TTN: variants seen among roughly 807,000 people sequenced by gnomAD.
TTN encodes connectin.
TTN carries 1,525 observed loss-of-function variants against 3,223.0 expected under a neutral mutation model. The observed-to-expected ratio is 0.47, with a 90% CI of 0.45 to 0.49. The LOEUF (loss-of-function observed/expected upper bound fraction) is 0.49. Ranked by LOEUF, TTN falls within the 20% of genes least tolerant of loss-of-function variation. TTN has a pLI of 0.00. For missense variants in TTN, 40,786 were observed against 43,424.0 expected, an observed-to-expected ratio of 0.94 and a Z score of 5.40; for synonymous variants, 14,094 against 15,161.0, an observed-to-expected ratio of 0.93 and a Z score of 5.17.
chr2:178,546,596 C>A lies in TTN; in HGVS notation c.94828+4G>T, dbSNP rs1264947277. 6.2e-7 allele frequency: 1 copy of A among 1,604,828 alleles called. No homozygotes were observed. Among genetic ancestry groups the A allele is most frequent in the Non-Finnish European group, 8.5e-7 (1 of 1,173,190 alleles). ...TAAAAAGGAGAATGTTGACTATTTCCTACCGTATTCATCTCGGCAAGTGAC... is the reference window on the plus strand; with the variant it reads ...TAAAAAGGAGAATGTTGACTATTTCATACCGTATTCATCTCGGCAAGTGAC... On this transcript the variant is annotated splice_donor_region_variant and intron_variant, in intron 341 of 362. Transcript: ENST00000589042.
Position 178,562,272 on chromosome 2 carries a change from C to T in TTN, c.83860G>A (p.Val27954Ile). ...RSDPRQLGVP[V>I]IARDIEIKPS... ...TTTATTTCAATATCCCTTGCAATTA[C>T]TGGCACTCCAAGTTGTCTTGGATCA... The change falls in exon 326 of 363, where the codon GTA becomes ATA. Residue 27954 changes from valine to isoleucine, a missense_variant. Coordinates refer to ENST00000589042, the MANE Select transcript of TTN (RefSeq NM_001267550.2). The T allele has an allele frequency of 6.2e-7, 1 of 1,613,472 alleles. No individual in the cohort carries two copies. Among genetic ancestry groups the T allele is most frequent in the Non-Finnish European group, 8.5e-7 (1 of 1,179,666 alleles).
chr2:178,652,728 C>T lies in TTN; in HGVS notation c.38968G>A (p.Ala12990Thr), dbSNP rs375066056. ...PEVPPVKVPE[A>T]PKEVVPEKKV... ...TTTTCAGGAACAACCTCTTTGGGAG[C>T]CTCTGGTACTTAAAAGATATTAGTG... The change falls in exon 201 of 363, where the codon GCT becomes ACT. Residue 12990 changes from alanine to threonine, a missense_variant. Coordinates refer to ENST00000589042, the MANE Select transcript of TTN (RefSeq NM_001267550.2). 6.2e-7 allele frequency: 1 copy of T among 1,612,736 alleles called. No individual in the cohort carries two copies. Among genetic ancestry groups the T allele is most frequent in the Non-Finnish European group, 8.5e-7 (1 of 1,179,390 alleles).
Position 178,610,281 on chromosome 2 carries a change from T to A in TTN, c.51245A>T (p.Tyr17082Phe). ...CCCAGCTTCTCTGCGCTCCAGGACATAATGAAGAATTGGGGTTCCACCATC... is the reference window on the plus strand; with the variant it reads ...CCCAGCTTCTCTGCGCTCCAGGACAAAATGAAGAATTGGGGTTCCACCATC... The part of the protein sequence containing the change: ...EFDGGTPILH[Y>F]VLERREAGRR... The change falls in exon 271 of 363, where the codon TAT becomes TTT. Residue 17082 changes from tyrosine to phenylalanine, a missense_variant. Physicochemically the swap from Tyr to Phe is conservative, Grantham distance 22 (BLOSUM62 3). Coordinates refer to ENST00000589042, the MANE Select transcript of TTN (RefSeq NM_001267550.2). The A allele has an allele frequency of 6.2e-7, 1 of 1,612,924 alleles. No individual in the cohort carries two copies. The highest frequency in any genetic ancestry group is 1.3e-5 in the African/African-American group (1 of 74,966).
Position 178,531,666 on chromosome 2 carries a change from T to C in TTN, c.104949A>G (p.Gln34983=), listed in dbSNP as rs2154133702. Residue 34983 remains glutamine, a synonymous_variant, in exon 358 of 363, where the codon CAA becomes CAG. Transcript: ENST00000589042. Reference sequence around the variant, plus strand: ...TGGTGTAATGAATCTTACTGCTTTCTTGGAGTTCCACACCATTGTGGTACC... The same window carrying C: ...TGGTGTAATGAATCTTACTGCTTTCCTGGAGTTCCACACCATTGTGGTACC... ...VKWYHNGVEL[Q]ESSKIHYTNT... 2 of 1,614,012 alleles carry C rather than the reference T, an allele frequency of 1.2e-6. No homozygotes were observed. Among genetic ancestry groups the C allele is most frequent in the Non-Finnish European group, 8.5e-7 (1 of 1,179,878 alleles).
Position 178,689,579 on chromosome 2 carries a change from C to G in TTN, c.31863G>C (p.Lys10621Asn). 2 of 1,604,326 alleles carry G rather than the reference C, an allele frequency of 1.2e-6. No homozygotes were observed. The highest frequency in any genetic ancestry group is 1.7e-6 in the Non-Finnish European group (2 of 1,175,918). ...TTATTTTTTCTTCTGTCACAACTCC[C>G]TTCTGTACTTCAGGAACTTGAAGAG... is the stretch of plus-strand genomic sequence containing the variant. ...APPAKVPEVQKGVVTEEKITI... is the reference protein window; with the variant it reads ...APPAKVPEVQNGVVTEEKITI... Residue 10621 changes from lysine to asparagine, a missense_variant, in exon 123 of 363, where the codon AAG becomes AAC. Transcript: ENST00000589042.
In TTN at chr2:178,650,228, AGCAATTTCCTCTTCAGG is replaced by A. The variant is rs2062713287; in HGVS notation, c.39736_39752del (p.Pro13246SerfsTer2). On this transcript the variant is annotated frameshift_variant, in exon 210 of 363. Coordinates refer to ENST00000589042, the MANE Select transcript of TTN (RefSeq NM_001267550.2). LOFTEE classifies it high-confidence loss of function. ...CAGGAACTGGCTTTTCCTCTTCAGG[AGCAATTTCCTCTTCAGG>A]AGCAATTTCCTCAGGTTCTTCATAT... 1.9e-6 allele frequency: 3 copies of A among 1,556,076 alleles called. No homozygotes were observed. The African/African-American group carries it at 4.6e-5, about 24-fold the overall frequency.
At position 178,725,492 on chromosome 2, in the gene TTN, T is replaced by G. The variant is rs377356011; in HGVS notation, c.20712A>C (p.Thr6904=). The G allele has an allele frequency of 3.1e-6, 5 of 1,613,300 alleles. No homozygotes were observed. The highest frequency in any genetic ancestry group is 4.2e-6 in the Non-Finnish European group (5 of 1,179,566). ...VIRESENIRI[T]FVENVATLQF... is the part of the protein sequence containing the mutation. ...GTAGAGTTGCAACATTTTCCACAAA[T>G]GTAATCCTGATGTTTTCACTTTCTC... Residue 6904 remains threonine, a synonymous_variant, in exon 71 of 363, where the codon ACA becomes ACC. Coordinates refer to ENST00000589042, the MANE Select transcript of TTN (RefSeq NM_001267550.2).
intron 34 of TTN, 76 bp downstream of exon 34, chr2:178,771,134 CA>C: frequency 1.3e-6 from 2 of 1,599,898 alleles, no homozygotes; most frequent in Non-Finnish European, 1.7e-6. Flanking sequence ...CCAAAATGGC[CA>C]TATCGTTTGT....
Position 178,543,122 on chromosome 2 carries a change from C to A in TTN, c.96851G>T (p.Gly32284Val), listed in dbSNP as rs988372305. 4 of 1,610,476 alleles carry A rather than the reference C, an allele frequency of 2.5e-6. No homozygotes were observed. The highest frequency in any genetic ancestry group is 2.5e-6 in the Non-Finnish European group (3 of 1,177,582). Residue 32284 changes from glycine to valine, a missense_variant, in exon 347 of 363, where the codon GGT (glycine) becomes GTT (valine). Transcript: ENST00000589042. ...LFRIRAQNEK[G>V]VSEPRETVTA... ...GACAGTCTCTCTTGGTTCTGACACACCTTTCTCATTTTGTGCCCTTATTCT... is the reference window on the plus strand; with the variant it reads ...GACAGTCTCTCTTGGTTCTGACACAACTTTCTCATTTTGTGCCCTTATTCT...
At chr2:178,546,532 A>G (rs759705536) in intron 341 of TTN, 30 bp from the exon 342 acceptor site, 1 of 1,599,970 alleles carries the variant, frequency 6.3e-7, no homozygotes, top group Admixed American at 1.7e-5. Context: ...ATATGAATGA[A>G]TATCTGAGAG....
chr2:178,685,538 A>G lies in TTN; in HGVS notation c.32372T>C (p.Val10791Ala), dbSNP rs2070631831. ...CATACCTTCAGCTGGCTCAGCTTCC[A>G]CTCTCTTAGAAATAATGTGCAGCTT... is the stretch of plus-strand genomic sequence containing the variant. ...EEKLHIISKRVEAEPAEVTER... is the reference protein window; with the variant it reads ...EEKLHIISKRAEAEPAEVTER... Residue 10791 changes from valine to alanine, a missense_variant, in exon 128 of 363, where the codon GTG (valine) becomes GCG (alanine). By Grantham distance (64) the Val-to-Ala change is moderately conservative. Transcript: ENST00000589042. 6.2e-7 allele frequency: 1 copy of G among 1,613,110 alleles called. No homozygotes were observed. The highest frequency in any genetic ancestry group is 1.3e-5 in the African/African-American group (1 of 74,862).
At chr2:178,639,306 T>C (rs1427535767) in intron 223 of TTN, among the ~76,000 whole-genome samples, 1 of 152,032 alleles carries the variant, frequency 6.6e-6, no homozygotes, top group Non-Finnish European at 1.5e-5. Flanking sequence ...ATATACACAC[T>C]TTTTTAAAAA....
In TTN at chr2:178,530,435, T is replaced by C. The variant is rs745753316; in HGVS notation, c.106180A>G (p.Lys35394Glu). The change falls in exon 358 of 363, where the codon AAA becomes GAA. Residue 35394 changes from lysine to glutamate, a missense_variant. Coordinates refer to ENST00000589042, the MANE Select transcript of TTN (RefSeq NM_001267550.2). Reference sequence around the variant, plus strand: ...GACTCAGTGGTTTTCTGATCTGATTTCTTAGTTTCTGATATTTTTGATACC... The same window carrying C: ...GACTCAGTGGTTTTCTGATCTGATTCCTTAGTTTCTGATATTTTTGATACC... ...EKVSKISETKKSDQKTTESTV... is the reference protein window; with the variant it reads ...EKVSKISETKESDQKTTESTV... 5.0e-6 allele frequency: 8 copies of C among 1,613,906 alleles called. No homozygotes were observed. The highest frequency in any genetic ancestry group is 6.8e-6 in the Non-Finnish European group (8 of 1,179,890).
In TTN at chr2:178,560,295, T is replaced by C. The variant is rs1341127613; in HGVS notation, c.85837A>G (p.Thr28613Ala). ...TATTCACATCCTTCCCGAAGTCCTG[T>C]TGATTTCACTCTTAGATCATAAACT... ...KPVYDLRVKS[T>A]GLREGCEYEY... The change falls in exon 326 of 363, where the codon ACA (threonine) becomes GCA (alanine). Residue 28613 changes from threonine to alanine, a missense_variant. Physicochemically the swap from Thr to Ala is moderately conservative, Grantham distance 58. Coordinates refer to ENST00000589042, the MANE Select transcript of TTN (RefSeq NM_001267550.2). 3.1e-6 allele frequency: 5 copies of C among 1,613,826 alleles called. No homozygotes were observed. Among genetic ancestry groups the C allele is most frequent in the Non-Finnish European group, 2.5e-6 (3 of 1,179,790 alleles).
intron 294 of TTN, 71 bp from the exon 295 acceptor site, chr2:178,595,880 T>G: frequency 7.0e-7 from 1 of 1,432,472 alleles, no homozygotes. Flanking sequence ...CTTGTTTTTT[T>G]AAAAGGAGAC....
In TTN at chr2:178,617,938, A is replaced by C; in HGVS notation, c.47413T>G (p.Trp15805Gly). 6.2e-7 allele frequency: 1 copy of C among 1,612,702 alleles called. No individual in the cohort carries two copies. The highest frequency in any genetic ancestry group is 1.7e-5 in the Admixed American group (1 of 59,928). The change falls in exon 253 of 363, where the codon TGG (tryptophan) becomes GGG (glycine). Residue 15805 changes from tryptophan to glycine, a missense_variant. Coordinates refer to ENST00000589042, the MANE Select transcript of TTN (RefSeq NM_001267550.2). ...GCTCTCACAGTCATGGCAGTATCCC[A>C]CCTGATAGAAGTCTTGTCTCTTAAT... is the stretch of plus-strand genomic sequence containing the variant. ...IELRDKTSIR[W>G]DTAMTVRAED... is the part of the protein sequence containing the mutation.
In TTN at chr2:178,565,449, C is replaced by T; in HGVS notation, c.80683G>A (p.Glu26895Lys). Residue 26895 changes from glutamate (E) to lysine (K), a missense_variant, in exon 326 of 363, where the codon GAA becomes AAA. Coordinates refer to ENST00000589042, the MANE Select transcript of TTN (RefSeq NM_001267550.2). Reference sequence around the variant, plus strand: ...ACTGGAATTTCTATTTTAAGATCTTCTCCAGCTTGGATACTATATGTGTTA... The same window carrying T: ...ACTGGAATTTCTATTTTAAGATCTTTTCCAGCTTGGATACTATATGTGTTA... ...PFNTYSIQAGEDLKIEIPVIG... is the reference protein window; with the variant it reads ...PFNTYSIQAGKDLKIEIPVIG... 5 of 1,613,336 alleles carry T rather than the reference C, an allele frequency of 3.1e-6. No homozygotes were observed. The highest frequency in any genetic ancestry group is 4.2e-6 in the Non-Finnish European group (5 of 1,179,600).
intron 163 of TTN, among the ~76,000 whole-genome samples, chr2:178,666,543 G>A (rs2065957190): frequency 3.9e-5 from 6 of 152,036 alleles, no homozygotes; most frequent in Admixed American, 3.9e-4. Context: ...GACATGTTTT[G>A]ATCATAATAT....
chr2:178,733,829 A>T lies in TTN; in HGVS notation c.15560T>A (p.Leu5187Gln). ...LIALGGQTVT[L>Q]QAAVRGSEPI... Reference sequence around the variant, plus strand: ...CTCTGACCCTCTCACAGCAGCTTGCAGGGTAACGGTTTGTCCTCCTAGTGC... The same window carrying T: ...CTCTGACCCTCTCACAGCAGCTTGCTGGGTAACGGTTTGTCCTCCTAGTGC... The change falls in exon 53 of 363, where the codon CTG becomes CAG. Residue 5187 changes from leucine to glutamine, a missense_variant. By Grantham distance (113) the Leu-to-Gln change is moderately radical. Transcript: ENST00000589042. 1 of 1,613,666 alleles carries T rather than the reference A, an allele frequency of 6.2e-7. No homozygotes were observed. The highest frequency in any genetic ancestry group is 2.2e-5 in the East Asian group (1 of 44,866).
Sources: allele counts gnomAD v4.1 joint callset (sites outside exome capture counted in the v4.1 genomes callset), GRCh38; gene constraint gnomAD v4.1.1; transcripts MANE v1.5; gene names NCBI Gene and HGNC (gene_info 2026-07-23, HGNC 2026-07-21).